The following TULP4 variants were observed in gnomAD, a reference collection of about 807,000 sequenced individuals.
TULP4 encodes the protein TUB like protein 4.
Under a neutral mutation model 129.0 loss-of-function variants are expected in TULP4, and 16 were observed. That is an observed-to-expected ratio of 0.12 (90% CI 0.08 to 0.19). TULP4 has a LOEUF of 0.19. Ranked by LOEUF, TULP4 falls within the 10% of genes least tolerant of loss-of-function variation. TULP4 has a pLI of 1.00. For synonymous variants in TULP4, 998 were observed against 854.0 expected (o/e 1.17, Z -2.94); for missense variants, 1,842 against 2,059.1 (o/e 0.89, Z 2.04).
intron 1 of TULP4, among the ~76,000 whole-genome samples, chr6:158,408,659 C>T (rs966925034): frequency 2.0e-5 from 3 of 152,096 alleles, no homozygotes; most frequent in Non-Finnish European, 2.9e-5. Flanking sequence ...TGACGAGGCC[C>T]GGAGTCAGAG....
chr6:158,483,249 A>G (rs1328387578), intron 8 of TULP4, among the ~76,000 whole-genome samples: 1 of 152,226 alleles, frequency 6.6e-6, no homozygotes, highest in East Asian at 1.9e-4. Flanking sequence ...CAATATAACT[A>G]ATTGCACCTG....
intron 1 of TULP4, among the ~76,000 whole-genome samples, chr6:158,252,999 A>G (rs79767047): frequency 6.6e-6 from 1 of 152,234 alleles, no homozygotes; most frequent in Non-Finnish European, 1.5e-5. Context: ...CATCTGCTCC[A>G]TGAAGCTTAC....
intron 1 of TULP4, among the ~76,000 whole-genome samples, chr6:158,376,230 G>C (rs1198922033): frequency 6.6e-6 from 1 of 152,204 alleles, no homozygotes; most frequent in Non-Finnish European, 1.5e-5. Flanking sequence ...ATGGGTTCTG[G>C]ATCAGGAACT....
chr6:158,487,650 G>C (rs1241289544), intron 8 of TULP4, among the ~76,000 whole-genome samples: 1 of 152,256 alleles, frequency 6.6e-6, no homozygotes, highest in Non-Finnish European at 1.5e-5. Flanking sequence ...GTATGAAGTA[G>C]ACCCAGCCAC....
In TULP4 at chr6:158,314,013, A is replaced by C. The variant is rs184206678; in HGVS notation, c.-4A>C. The stretch of plus-strand genomic sequence containing the variant: ...TTTAAGTAAAACAGTTCATTGAAGA[A>C]AGTATGTATGCAGCAGTGGAACATG... On this transcript the variant is annotated 5_prime_UTR_variant, in exon 1 of 14. Transcript: ENST00000367097. 1.7e-5 allele frequency: 27 copies of C among 1,610,852 alleles called. No individual in the cohort carries two copies. In the Admixed American group the frequency reaches 3.7e-4, roughly 22 times the overall value.
intron 1 of TULP4, among the ~76,000 whole-genome samples, chr6:158,266,093 C>G (rs577840271): frequency 1.3e-5 from 2 of 152,316 alleles, no homozygotes; most frequent in South Asian, 4.1e-4. Flanking sequence ...TTAAGCATAG[C>G]ATTCTCTTGA....
chr6:158,329,071 A>G (rs1218820745), intron 1 of TULP4, among the ~76,000 whole-genome samples: 1 of 152,214 alleles, frequency 6.6e-6, no homozygotes. Flanking sequence ...TCCACCCACA[A>G]CCTTGACTCC....
intron 1 of TULP4, among the ~76,000 whole-genome samples, chr6:158,395,264 G>A (rs1777679944): frequency 6.6e-6 from 1 of 152,084 alleles, no homozygotes; most frequent in Non-Finnish European, 1.5e-5. Flanking sequence ...CTCACTCCTT[G>A]GAACAGTCAC....
intron 1 of TULP4, among the ~76,000 whole-genome samples, chr6:158,330,813 C>A (rs1779861159): frequency 6.6e-6 from 1 of 152,196 alleles, no homozygotes; most frequent in South Asian, 2.1e-4. Context: ...AATAGCTCTT[C>A]AGTTTTTCCT....
intron 1 of TULP4, among the ~76,000 whole-genome samples, chr6:158,368,699 AT>A (rs1445250960): frequency 7.2e-5 from 11 of 152,232 alleles, no homozygotes; most frequent in African/African-American, 2.7e-4. Context: ...CATCCCAGTT[AT>A]GAAAGCAATT....
chr6:158,459,673 A>G (rs1779379407), intron 5 of TULP4, among the ~76,000 whole-genome samples: 1 of 152,182 alleles, frequency 6.6e-6, no homozygotes, highest in African/African-American at 2.4e-5. Flanking sequence ...AAATACAAGA[A>G]TGGTGCAGTT....
chr6:158,348,754 G>C (rs1028576224), intron 1 of TULP4, among the ~76,000 whole-genome samples: 1 of 151,536 alleles, frequency 6.6e-6, no homozygotes, highest in Admixed American at 6.6e-5. Context: ...TCACTTCCCA[G>C]ATGGGGCAGC....
intron 1 of TULP4, among the ~76,000 whole-genome samples, chr6:158,405,807 A>G (rs1583842310): frequency 6.6e-6 from 1 of 152,292 alleles, no homozygotes; most frequent in East Asian, 1.9e-4. Context: ...AATCTTTTAC[A>G]TTATGTCAGA....
chr6:158,348,670 G>A (rs924761876), intron 1 of TULP4, among the ~76,000 whole-genome samples: 18 of 151,924 alleles, frequency 1.2e-4, no homozygotes, highest in African/African-American at 3.9e-4. Context: ...ATCATGGCCC[G>A]TTCTCGATGG....
chr6:158,368,937 A>G (rs1777004419), intron 1 of TULP4, among the ~76,000 whole-genome samples: 1 of 152,196 alleles, frequency 6.6e-6, no homozygotes, highest in South Asian at 2.1e-4. Flanking sequence ...AACCTCACAG[A>G]AAAATGTGCT....
At chr6:158,339,125 G>A (rs753446110) in intron 1 of TULP4, among the ~76,000 whole-genome samples, 20 of 152,208 alleles carry the variant, frequency 1.3e-4, no homozygotes, top group Non-Finnish European at 2.9e-4. Flanking sequence ...CGGCCAGTCT[G>A]AGAAATAAAG....
Position 158,455,199 on chromosome 6 carries a change from C to T in TULP4, c.859+2931C>T, listed in dbSNP as rs868554865. The stretch of plus-strand genomic sequence containing the variant: ...ACGCCATTCTCCTGCCTCAGCCTCC[C>T]GAGTAGCTGGGACTACAGGCGCCCG... On this transcript the variant is annotated intron_variant, in intron 5 of 13. Transcript: ENST00000367097. Among the ~76,000 whole-genome samples, 15 of 67,016 alleles carry T rather than the reference C, an allele frequency of 2.2e-4. 5 individuals carry two copies. The highest frequency in any genetic ancestry group is 4.1e-4 in the Non-Finnish European group (15 of 36,200). 44.0% of individuals were successfully genotyped at this position (67,016 alleles called of 152,430 possible).
chr6:158,506,528 G>A (rs937176170), intron 13 of TULP4, 50 bp from the exon 14 acceptor site: 4 of 1,285,056 alleles, frequency 3.1e-6, no homozygotes, highest in Non-Finnish European at 4.5e-6. Context: ...ACTGCGCCTG[G>A]CCTTTTCACC....
upstream of TULP4, among the ~76,000 whole-genome samples, chr6:158,279,001 G>A (rs867035021): frequency 5.3e-4 from 78 of 147,426 alleles, no homozygotes; most frequent in Middle Eastern, 0.011. Flanking sequence ...GTGCAGTGGC[G>A]TGATCTCGGC....
Sources: gnomAD v4.1 joint callset for allele counts (sites outside exome capture counted in the v4.1 genomes callset) on GRCh38, gnomAD v4.1.1 for gene constraint, MANE v1.5 for transcripts, NCBI Gene and HGNC (gene_info 2026-07-23, HGNC 2026-07-21) for gene names.